The following SGCG variants were observed in gnomAD, a reference collection of about 807,000 sequenced individuals.
SGCG encodes sarcoglycan gamma.
Under a neutral mutation model 29.3 loss-of-function variants are expected in SGCG, and 26 were observed. The observed-to-expected ratio is 0.89, with a 90% CI of 0.65 to 1.23. SGCG has a LOEUF of 1.23. Among genes scored for constraint, SGCG ranks in the 50% most tolerant of loss-of-function variants. The probability of loss-of-function intolerance (pLI) is 0.00; values close to 1 mark genes in which losing one functional copy is unlikely to be tolerated. For missense variants in SGCG, 353 were observed against 356.0 expected (o/e 0.99, Z 0.07); for synonymous variants, 145 against 129.7 (o/e 1.12, Z -0.80).
intron 2 of SGCG, among the ~76,000 whole-genome samples, chr13:23,213,849 G>T (rs933099088): frequency 6.6e-6 from 1 of 152,132 alleles, no homozygotes; most frequent in Non-Finnish European, 1.5e-5. Context: ...CCACCTGTAG[G>T]CTACCGAGGC....
intron 4 of SGCG, among the ~76,000 whole-genome samples, chr13:23,273,862 T>G (rs1239859747): frequency 6.6e-6 from 1 of 152,212 alleles, no homozygotes; most frequent in African/African-American, 2.4e-5. Flanking sequence ...TATCAGGACT[T>G]CACCGTCAGT....
chr13:23,288,274 T>C (rs1593090211), intron 5 of SGCG, among the ~76,000 whole-genome samples: 2 of 151,962 alleles, frequency 1.3e-5, no homozygotes, highest in African/African-American at 4.8e-5. Context: ...GGAAAGAAAA[T>C]CCAATTCTTT....
At chr13:23,311,865 C>T (rs779207806) in intron 6 of SGCG, among the ~76,000 whole-genome samples, 10 of 152,050 alleles carry the variant, frequency 6.6e-5, no homozygotes, top group Non-Finnish European at 1.0e-4. Context: ...AACCCCCCAC[C>T]GTGACCCTTT....
chr13:23,195,735 CTT>C (rs772563324), intron 1 of SGCG, among the ~76,000 whole-genome samples: 1 of 151,766 alleles, frequency 6.6e-6, no homozygotes, highest in Non-Finnish European at 1.5e-5. Flanking sequence ...CTGATTATAA[CTT>C]TGGATGAAAT....
chr13:23,165,699 A>ATT, the SGCG span, among the ~76,000 whole-genome samples: 1 of 151,502 alleles, frequency 6.6e-6, no homozygotes, highest in Admixed American at 6.6e-5. Context: ...TAATTTTTGT[A>ATT]TTTTTTTAGT....
At chr13:23,322,555 AAC>A (rs2137530971) in intron 7 of SGCG, among the ~76,000 whole-genome samples, 1 of 152,314 alleles carries the variant, frequency 6.6e-6, no homozygotes, top group South Asian at 2.1e-4. Context: ...CAGAAGGCTG[AAC>A]ACACATTCTT....
At chr13:23,278,553 T>C (rs943353841) in intron 4 of SGCG, among the ~76,000 whole-genome samples, 3 of 152,000 alleles carry the variant, frequency 2.0e-5, no homozygotes, top group African/African-American at 7.3e-5. Context: ...CCATGAGGCC[T>C]GGGTTAGAAA....
At chr13:23,305,226 C>T (rs1882319410) in intron 6 of SGCG, among the ~76,000 whole-genome samples, 1 of 152,190 alleles carries the variant, frequency 6.6e-6, no homozygotes, top group Non-Finnish European at 1.5e-5. Flanking sequence ...TTCAAAGCTA[C>T]TTCTATACCT....
chr13:23,229,158 C>G (rs1879013432), intron 2 of SGCG, among the ~76,000 whole-genome samples: 1 of 152,172 alleles, frequency 6.6e-6, no homozygotes, highest in Non-Finnish European at 1.5e-5. Flanking sequence ...GAACTGTAAT[C>G]CCAGTGTGAG....
intron 4 of SGCG, among the ~76,000 whole-genome samples, chr13:23,252,646 G>A (rs1019476905): frequency 5.3e-5 from 8 of 152,186 alleles, no homozygotes; most frequent in East Asian, 3.9e-4. Context: ...AGCCAAGATC[G>A]CATCACTGCA....
At chr13:23,237,986 A>G (rs1266849157) in intron 3 of SGCG, among the ~76,000 whole-genome samples, 1 of 152,190 alleles carries the variant, frequency 6.6e-6, no homozygotes, top group Admixed American at 6.5e-5. Context: ...CAGGGCAGAA[A>G]TAACAGGGAA....
intron 5 of SGCG, among the ~76,000 whole-genome samples, chr13:23,291,694 T>C (rs1881711659): frequency 6.6e-6 from 1 of 152,220 alleles, no homozygotes; most frequent in Admixed American, 6.5e-5. Context: ...CAATATAATA[T>C]CACTAATTAT....
chr13:23,323,402 A>G (rs908115692), intron 7 of SGCG, among the ~76,000 whole-genome samples: 18 of 152,234 alleles, frequency 1.2e-4, no homozygotes, highest in African/African-American at 4.3e-4. Context: ...GAATGCGTGC[A>G]GCAGACAGCA....
chr13:23,300,908 G>A (rs1303694542), intron 6 of SGCG, among the ~76,000 whole-genome samples: 1 of 151,276 alleles, frequency 6.6e-6, no homozygotes, highest in Non-Finnish European at 1.5e-5. Flanking sequence ...GAGGTCAGGA[G>A]ATCAAGACCA....
At chr13:23,293,712 G>T (rs958266012) in intron 5 of SGCG, among the ~76,000 whole-genome samples, 1 of 152,094 alleles carries the variant, frequency 6.6e-6, no homozygotes, top group East Asian at 1.9e-4. Flanking sequence ...GGCACCTGTA[G>T]TCCCAGCTAC....
intron 2 of SGCG, among the ~76,000 whole-genome samples, chr13:23,222,963 A>G (rs545620636): frequency 1.3e-5 from 2 of 151,966 alleles, no homozygotes; most frequent in Non-Finnish European, 1.5e-5. Flanking sequence ...TGGGCTTCTC[A>G]ACATTTCGGG....
chr13:23,179,392 A>G (rs1876657956), upstream of SGCG, among the ~76,000 whole-genome samples: 1 of 152,232 alleles, frequency 6.6e-6, no homozygotes, highest in Admixed American at 6.5e-5. Flanking sequence ...TTTACAAAGC[A>G]GTTCCCAAAA....
chr13:23,299,450 A>ATTTTTT (rs1345857156), intron 6 of SGCG, among the ~76,000 whole-genome samples: 7 of 37,682 alleles, frequency 1.9e-4, no homozygotes, highest in African/African-American at 4.2e-4. Context: ...ATATATATAT[A>ATTTTTT]TATATATTTT....
intron 1 of SGCG, among the ~76,000 whole-genome samples, chr13:23,195,769 T>G (rs1260651010): frequency 6.6e-6 from 1 of 152,208 alleles, no homozygotes; most frequent in East Asian, 1.9e-4. Flanking sequence ...ATCCATCTAT[T>G]TTGCTATATT....
Sources: gnomAD v4.1 joint callset for allele counts (sites outside exome capture counted in the v4.1 genomes callset) on GRCh38, gnomAD v4.1.1 for gene constraint, MANE v1.5 for transcripts, NCBI Gene and HGNC (gene_info 2026-07-23, HGNC 2026-07-21) for gene names.